Variants in ASPRV1 observed in about 807,000 individuals in gnomAD.
The protein encoded by ASPRV1 is retroviral-like aspartic protease 1.
A neutral mutation model predicts 11.0 loss-of-function variants in ASPRV1; 7 were observed. The observed-to-expected ratio is 0.64, with a 90% CI of 0.36 to 1.20. The LOEUF (loss-of-function observed/expected upper bound fraction) is 1.20. Ranked by LOEUF, ASPRV1 falls within the 50% of genes most tolerant of loss-of-function variation. The pLI, the probability that ASPRV1 is intolerant of heterozygous loss-of-function variation, is 0.02. For missense variants in ASPRV1, 299 were observed against 320.0 expected (o/e 0.93, Z 0.50); for synonymous variants, 136 against 138.4 (o/e 0.98, Z 0.12).
the ASPRV1 span, among the ~76,000 whole-genome samples, chr2:70,029,588 G>A: frequency 2.0e-5 from 3 of 152,148 alleles, no homozygotes; most frequent in Admixed American, 6.5e-5. Flanking sequence ...GCAGTGAGCC[G>A]AGATTGTGCC....
chr2:69,949,918 C>T, the ASPRV1 span, among the ~76,000 whole-genome samples: 58 of 152,258 alleles, frequency 3.8e-4, no homozygotes, highest in African/African-American at 1.4e-3. Context: ...CGGGTTCAAG[C>T]GATTCTCTTG....
chr2:69,959,439 C>T (rs1338916529), downstream of ASPRV1, among the ~76,000 whole-genome samples: 11 of 152,096 alleles, frequency 7.2e-5, no homozygotes, highest in Admixed American at 7.2e-4. Flanking sequence ...TGCTGCACTC[C>T]AGAAAAAGAA....
chr2:69,997,330 T>C, the ASPRV1 span, among the ~76,000 whole-genome samples: 2 of 151,992 alleles, frequency 1.3e-5, no homozygotes, highest in Non-Finnish European at 2.9e-5. Context: ...CCCAGAACCA[T>C]AGTACCGACC....
At chr2:70,023,707 C>T in the ASPRV1 span, among the ~76,000 whole-genome samples, 1 of 151,352 alleles carries the variant, frequency 6.6e-6, no homozygotes, top group Non-Finnish European at 1.5e-5. Context: ...GTTGTACTTG[C>T]TAATAAAGTA....
At chr2:69,953,834 A>G in the ASPRV1 span, among the ~76,000 whole-genome samples, 1 of 151,610 alleles carries the variant, frequency 6.6e-6, no homozygotes, top group Non-Finnish European at 1.5e-5. Flanking sequence ...CAGCCTCCCA[A>G]GTAGCTGGGA....
At chr2:70,065,125 C>T in the ASPRV1 span, among the ~76,000 whole-genome samples, 1 of 149,324 alleles carries the variant, frequency 6.7e-6, no homozygotes, top group Non-Finnish European at 1.5e-5. Context: ...AAAAAAAAGG[C>T]CAGGTGCGGT....
the ASPRV1 span, among the ~76,000 whole-genome samples, chr2:69,986,316 G>A: frequency 3.5e-4 from 53 of 152,364 alleles, no homozygotes; most frequent in African/African-American, 1.2e-3. Flanking sequence ...AGCTAACAGG[G>A]GGAATGGTCC....
chr2:70,009,505 T>C, the ASPRV1 span, among the ~76,000 whole-genome samples: 1 of 152,038 alleles, frequency 6.6e-6, no homozygotes, highest in Non-Finnish European at 1.5e-5. Flanking sequence ...AATTTTTGTA[T>C]TTTTTAGTGG....
At chr2:70,059,037 G>A in the ASPRV1 span, among the ~76,000 whole-genome samples, 2 of 151,116 alleles carry the variant, frequency 1.3e-5, no homozygotes, top group Non-Finnish European at 3.0e-5. Context: ...ACAGGCGCCC[G>A]CCACTACGCC....
the ASPRV1 span, among the ~76,000 whole-genome samples, chr2:70,002,341 G>C: frequency 2.0e-5 from 3 of 152,122 alleles, no homozygotes; most frequent in South Asian, 6.2e-4. Context: ...GGTAAGACTG[G>C]GTAAGGTTTG....
chr2:70,023,806 G>T, the ASPRV1 span, among the ~76,000 whole-genome samples: 1 of 151,576 alleles, frequency 6.6e-6, no homozygotes. Context: ...ATAATTGTTT[G>T]TAAGTGAAAG....
chr2:70,043,822 G>C, the ASPRV1 span, among the ~76,000 whole-genome samples: 1 of 152,184 alleles, frequency 6.6e-6, no homozygotes, highest in South Asian at 2.1e-4. Context: ...CATTATAGCT[G>C]TCAGCTGCTC....
At chr2:69,955,322 C>T (rs1161996879), downstream of ASPRV1, among the ~76,000 whole-genome samples, 1 of 152,232 alleles carries the variant, frequency 6.6e-6, no homozygotes, top group African/African-American at 2.4e-5. Context: ...TTGATGGACA[C>T]ATCGTGTCCT....
At chr2:69,993,619 T>C in the ASPRV1 span, 1 of 152,196 alleles carries the variant, frequency 6.6e-6, no homozygotes, top group Non-Finnish European at 1.5e-5. Flanking sequence ...ATCAATTACA[T>C]TTTCTGAAAA....
chr2:69,989,327 C>G, the ASPRV1 span, among the ~76,000 whole-genome samples: 1 of 152,250 alleles, frequency 6.6e-6, no homozygotes, highest in African/African-American at 2.4e-5. Flanking sequence ...AATGTCCCAG[C>G]CTATTTTCTT....
At chr2:70,002,856 CCCCTCGT>C in the ASPRV1 span, among the ~76,000 whole-genome samples, 1 of 152,192 alleles carries the variant, frequency 6.6e-6, no homozygotes, top group Admixed American at 6.5e-5. Flanking sequence ...TCACCAGCTC[CCCCTCGT>C]CCTTCTGAGT....
the ASPRV1 span, among the ~76,000 whole-genome samples, chr2:70,028,182 A>G: frequency 6.6e-6 from 1 of 152,190 alleles, no homozygotes; most frequent in Non-Finnish European, 1.5e-5. Flanking sequence ...TAGAACCAGC[A>G]TTATTCTGAG....
chr2:69,935,722 C>T, the ASPRV1 span, among the ~76,000 whole-genome samples: 1 of 152,146 alleles, frequency 6.6e-6, no homozygotes, highest in Non-Finnish European at 1.5e-5. Flanking sequence ...AGCTCCTGCT[C>T]CTTAACCATA....
Position 69,960,238 on chromosome 2 carries a change from T to A in ASPRV1, c.*419A>T. ...AGGTGTCCCAGAGCAACTGTGACCC[T>A]CACAAAGACCCTGCAGCTAGGACCC... On this transcript the variant is annotated 3_prime_UTR_variant, in exon 1 of 1. Coordinates refer to ENST00000320256, the MANE Select transcript of ASPRV1 (RefSeq NM_152792.4). 5.6e-6 allele frequency: 1 copy of A among 177,322 alleles called. No homozygotes were observed. The highest frequency in any genetic ancestry group is 1.2e-5 in the Non-Finnish European group (1 of 82,844). The allele number at this position is 177,322 out of a possible 1,614,324, so 11.0% of individuals were successfully genotyped here. A position where few individuals can be genotyped will look rare whatever the true frequency, so the allele number is the denominator to read the frequency against.
Sources: gnomAD v4.1 joint callset for allele counts (sites outside exome capture counted in the v4.1 genomes callset) on GRCh38, gnomAD v4.1.1 for gene constraint, MANE v1.5 for transcripts, NCBI Gene and HGNC (gene_info 2026-07-23, HGNC 2026-07-21) for gene names.